Variants in CCDC38 observed in about 807,000 individuals in gnomAD.
The protein encoded by CCDC38 is coiled-coil domain-containing protein 38.
Under a neutral mutation model 72.8 loss-of-function variants are expected in CCDC38, and 69 were observed. The ratio of observed to expected loss-of-function variants is 0.95; its 90% CI spans 0.78 to 1.16. CCDC38 has a LOEUF of 1.16. Among genes scored for constraint, CCDC38 ranks in the 50% most tolerant of loss-of-function variants. The pLI is 0.00. For synonymous variants in CCDC38, 201 were observed against 213.2 expected (o/e 0.94, Z 0.50); for missense variants, 626 against 638.9 (o/e 0.98, Z 0.22).
At chr12:95,904,397 C>A (rs2079980452) in intron 5 of CCDC38, among the ~76,000 whole-genome samples, 1 of 152,224 alleles carries the variant, frequency 6.6e-6, no homozygotes, top group Admixed American at 6.5e-5. Flanking sequence ...CAAATACCGT[C>A]AGTTTTGATA....
chr12:95,919,673 A>G (rs2080183056), intron 2 of CCDC38: 1 of 454,540 alleles, frequency 2.2e-6, no homozygotes, highest in South Asian at 1.6e-5. Flanking sequence ...CCAAAATAGT[A>G]GGATAAAATT....
intron 8 of CCDC38, among the ~76,000 whole-genome samples, chr12:95,892,508 C>T (rs574358269): frequency 6.6e-6 from 1 of 151,380 alleles, no homozygotes; most frequent in African/African-American, 2.4e-5. Flanking sequence ...GGTCTCCTGG[C>T]TCAAGCAATC....
chr12:95,936,463 T>A lies in CCDC38; in HGVS notation c.37+10A>T. On this transcript the variant is annotated intron_variant, in intron 2 of 15. Coordinates refer to ENST00000344280, the MANE Select transcript of CCDC38 (RefSeq NM_182496.3). The stretch of plus-strand genomic sequence containing the variant: ...CCCAAACAAGAATATATTGATTGAT[T>A]TCTTTTTACCTCCAGAATTCAGTGT... 1 of 1,612,790 alleles carries A rather than the reference T, an allele frequency of 6.2e-7. No individual in the cohort carries two copies.
intron 2 of CCDC38, among the ~76,000 whole-genome samples, chr12:95,929,095 T>C (rs1240337432): frequency 6.6e-6 from 1 of 152,218 alleles, no homozygotes; most frequent in Non-Finnish European, 1.5e-5. Flanking sequence ...CTGCTTTGTT[T>C]ACCTAAGCAA....
chr12:95,879,700 A>G lies in CCDC38; in HGVS notation c.1086T>C (p.Asp362=). The G allele has an allele frequency of 1.2e-6, 2 of 1,608,800 alleles. No homozygotes were observed. The highest frequency in any genetic ancestry group is 1.1e-5 in the South Asian group (1 of 90,818). The change falls in exon 12 of 16, where the codon GAT becomes GAC. Residue 362 remains aspartate (D), a synonymous_variant. Transcript: ENST00000344280. The surrounding 1 kb of genome is among the most constrained non-coding windows in gnomAD (Gnocchi z 5.5). ...TTACCTCTTCAAGATTTTCATCTAC[A>G]TCTTGGGAATATTGAAACAAAGTAA... ...QNLTLFQYSQ[D]VDENLEEVNK... is the part of the protein sequence containing the mutation.
In CCDC38 at chr12:95,908,119, G is replaced by T. The variant is rs969559307; in HGVS notation, c.305-1668C>A. ...GGGAGGCCAAGGCAGGCTGCCGGGA[G>T]GTGGATGTTGTAGGGAGCCGAGATC... On this transcript the variant is annotated intron_variant, in intron 4 of 15. Transcript: ENST00000344280. 1.4e-4 allele frequency among the ~76,000 whole-genome samples: 21 copies of T among 152,050 alleles called. No individual in the cohort carries two copies. In the South Asian group the frequency reaches 3.5e-3, roughly 26 times the overall value.
At chr12:95,888,696 G>A (rs2079787640) in intron 9 of CCDC38, among the ~76,000 whole-genome samples, 190 bp from the exon 10 acceptor site, 1 of 152,042 alleles carries the variant, frequency 6.6e-6, no homozygotes, top group African/African-American at 2.4e-5. Flanking sequence ...GAAAATGGAG[G>A]TCTTTTATTC....
rs60460595 is a variant in CCDC38 at position 95,876,938 on chromosome 12, A to G, written c.1278+1273T>C. Among the ~76,000 whole-genome samples the G allele has an allele frequency of 2.8e-3, 434 of 152,320 alleles. 4 individuals are homozygous for G. The highest frequency in any genetic ancestry group is 9.9e-3 in the African/African-American group (411 of 41,576). On this transcript the variant is annotated intron_variant, in intron 13 of 15. Coordinates refer to ENST00000344280, the MANE Select transcript of CCDC38 (RefSeq NM_182496.3). ...AAATATTAAAAGCCAGTGCCCTTAT[A>G]CAAAGGCTGGAATGTAACAAAAGCC... is the stretch of plus-strand genomic sequence containing the variant.
intron 9 of CCDC38, among the ~76,000 whole-genome samples, chr12:95,889,589 A>G (rs777367328): frequency 1.2e-4 from 18 of 152,162 alleles, no homozygotes; most frequent in Non-Finnish European, 2.1e-4. Flanking sequence ...GGCTTATACC[A>G]GGGTCATTTC....
chr12:95,940,887 CAAACAAA>C (rs1403772438), intron 1 of CCDC38, among the ~76,000 whole-genome samples: 6 of 139,894 alleles, frequency 4.3e-5, no homozygotes, highest in African/African-American at 1.6e-4. Flanking sequence ...AACAAACAAA[CAAACAAA>C]AAAAAAAACT....
In CCDC38 at chr12:95,910,735, G is replaced by A. The variant is rs139604975; in HGVS notation, c.305-4284C>T. On this transcript the variant is annotated intron_variant, in intron 4 of 15. Coordinates refer to ENST00000344280, the MANE Select transcript of CCDC38 (RefSeq NM_182496.3). Reference sequence around the variant, plus strand: ...AAAAATTAGTTGAGCATGGTTGTGCGTGCCTATAGTCCTAGCCTCTCACAG... The same window carrying A: ...AAAAATTAGTTGAGCATGGTTGTGCATGCCTATAGTCCTAGCCTCTCACAG... Among the ~76,000 whole-genome samples, 111 of 152,232 alleles carry A rather than the reference G, an allele frequency of 7.3e-4. 1 individual carries two copies. Among genetic ancestry groups the A allele is most frequent in the South Asian group, 2.5e-3 (12 of 4,828 alleles).
intron 2 of CCDC38, among the ~76,000 whole-genome samples, chr12:95,923,676 A>G (rs1479955542): frequency 3.3e-5 from 5 of 152,090 alleles, no homozygotes; most frequent in South Asian, 2.1e-4. Context: ...ATATCTCCCA[A>G]TGCTATCCCT....
At chr12:95,941,908 A>G (rs2080455628) in intron 1 of CCDC38, among the ~76,000 whole-genome samples, 1 of 122,580 alleles carries the variant, frequency 8.2e-6, no homozygotes, top group Non-Finnish European at 1.6e-5. Flanking sequence ...TATATTTTCC[A>G]ATTTTTATCT....
At chr12:95,884,459 T>C (rs12305756) in intron 10 of CCDC38, among the ~76,000 whole-genome samples, 2,557 of 152,364 alleles carry the variant, frequency 0.017, 79 homozygotes, top group African/African-American at 0.059. Flanking sequence ...AGACTGTGTT[T>C]ATGGATTGGA....
At chr12:95,903,586 G>A in intron 5 of CCDC38, 1 of 594,620 alleles carries the variant, frequency 1.7e-6, no homozygotes, top group Non-Finnish European at 3.0e-6. Flanking sequence ...TTTGCTGAGA[G>A]TCTCCATCAA....
At chr12:95,869,933 C>T (rs992285015) in intron 14 of CCDC38, 3 of 178,610 alleles carry the variant, frequency 1.7e-5, no homozygotes, top group South Asian at 2.3e-4. Context: ...AAGCAGTTCT[C>T]CTGCCTCAGC....
Position 95,878,250 on chromosome 12 carries a change from G to C in CCDC38, c.1239C>G (p.Ser413=), listed in dbSNP as rs1191089221. Residue 413 remains serine, a synonymous_variant, in exon 13 of 16, where the codon TCC becomes TCG. Transcript: ENST00000344280. ...TAAATTCTCCAAAGCTAAAGAGCTT[G>C]GACTTTAATTGCAATTCTGCTGCTT... The part of the protein sequence containing the change: ...EEKAAELQLK[S]KLFSFGEFNS... The C allele has an allele frequency of 6.2e-7, 1 of 1,613,428 alleles. No individual in the cohort carries two copies. Among genetic ancestry groups the C allele is most frequent in the African/African-American group, 1.3e-5 (1 of 74,872 alleles).
chr12:95,914,217 C>T (rs994058238), intron 4 of CCDC38, among the ~76,000 whole-genome samples: 6 of 152,134 alleles, frequency 3.9e-5, no homozygotes, highest in Admixed American at 3.3e-4. Context: ...CCCAGCTACT[C>T]GGAGGCTGGG....
At chr12:95,867,335 T>C in intron 15 of CCDC38, 146 bp from the exon 16 acceptor site, 3 of 613,370 alleles carry the variant, frequency 4.9e-6, no homozygotes, top group Admixed American at 3.1e-5. Flanking sequence ...AAGGGACTTA[T>C]AACCTAACGG....
Sources: gnomAD v4.1 joint callset for allele counts (sites outside exome capture counted in the v4.1 genomes callset) on GRCh38, gnomAD v4.1.1 for gene constraint, Gnocchi (gnomAD v3.1) non-coding constraint, MANE v1.5 for transcripts, NCBI Gene and HGNC (gene_info 2026-07-23, HGNC 2026-07-21) for gene names.